JAZF1: variants seen among roughly 807,000 people sequenced by gnomAD.
The protein encoded by JAZF1 is JAZF zinc finger 1.
In JAZF1, 8 loss-of-function variants were observed where a neutral mutation model predicts 26.4. The ratio of observed to expected loss-of-function variants is 0.30; its 90% CI spans 0.18 to 0.55. The LOEUF (loss-of-function observed/expected upper bound fraction) is 0.55, where lower values mean the gene tolerates loss of function less well. Ranked by LOEUF, JAZF1 falls within the 20% of genes least tolerant of loss-of-function variation. JAZF1 has a pLI of 0.94. For missense variants in JAZF1, 199 were observed against 322.0 expected (o/e 0.62, Z 2.92); for synonymous variants, 126 against 122.3 (o/e 1.03, Z -0.20).
Position 28,012,279 on chromosome 7 carries a change from G to A in JAZF1, c.116-20298C>T, listed in dbSNP as rs2128370549. On this transcript the variant is annotated intron_variant, in intron 1 of 4. Coordinates refer to ENST00000283928, the MANE Select transcript of JAZF1 (RefSeq NM_175061.4). ...CAGCACTAAATTTTGATCTGTCATT[G>A]AAAACAGGTCGCTTCTATTTCTGGC... Among the ~76,000 whole-genome samples, 7 of 152,214 alleles carry A rather than the reference G, an allele frequency of 4.6e-5. No homozygotes were observed. In the South Asian group the frequency reaches 1.5e-3, roughly 32 times the overall value.
At chr7:27,930,634 TA>T (rs1471248063) in intron 2 of JAZF1, among the ~76,000 whole-genome samples, 1 of 152,206 alleles carries the variant, frequency 6.6e-6, no homozygotes, top group Non-Finnish European at 1.5e-5. Context: ...AAGGAAAGAC[TA>T]AACTTTTCTT....
intron 1 of JAZF1, among the ~76,000 whole-genome samples, chr7:28,014,930 A>G (rs1443839831): frequency 6.6e-6 from 1 of 152,186 alleles, no homozygotes; most frequent in Non-Finnish European, 1.5e-5. Flanking sequence ...ACATTTGCAG[A>G]GAGCAGTGGT....
chr7:27,904,639 G>A (rs188853618), intron 2 of JAZF1, among the ~76,000 whole-genome samples: 2 of 145,536 alleles, frequency 1.4e-5, no homozygotes, highest in East Asian at 4.2e-4. Flanking sequence ...GGTGGATTTT[G>A]AAGCTTCATA....
At chr7:27,929,635 G>T (rs1372031906) in intron 2 of JAZF1, among the ~76,000 whole-genome samples, 1 of 152,184 alleles carries the variant, frequency 6.6e-6, no homozygotes, top group Admixed American at 6.5e-5. Context: ...TTGGGCAAAA[G>T]ACTTAACCTC....
intron 1 of JAZF1, among the ~76,000 whole-genome samples, chr7:28,076,084 T>C (rs1044622706): frequency 1.3e-5 from 2 of 152,358 alleles, no homozygotes; most frequent in Non-Finnish European, 2.9e-5. Context: ...ATGGCCTTGA[T>C]TGGATGGGGT....
At chr7:28,041,179 A>G (rs761058049) in intron 1 of JAZF1, among the ~76,000 whole-genome samples, 13 of 152,164 alleles carry the variant, frequency 8.5e-5, no homozygotes, top group Non-Finnish European at 1.5e-4. Context: ...CACAACACAA[A>G]TAACTATTGT....
intron 1 of JAZF1, among the ~76,000 whole-genome samples, chr7:28,152,201 T>C (rs1178851029): frequency 6.6e-6 from 1 of 152,172 alleles, no homozygotes; most frequent in Non-Finnish European, 1.5e-5. Context: ...TATAGATGGT[T>C]TTTAAAGGAA....
chr7:27,845,439 C>CTGT (rs1783002143), intron 3 of JAZF1, among the ~76,000 whole-genome samples: 1 of 152,318 alleles, frequency 6.6e-6, no homozygotes, highest in South Asian at 2.1e-4. Context: ...TGGCTCACGC[C>CTGT]TGTAATCCCA....
intron 1 of JAZF1, among the ~76,000 whole-genome samples, chr7:28,139,419 A>G (rs1335999908): frequency 2.0e-5 from 3 of 152,262 alleles, no homozygotes; most frequent in Non-Finnish European, 2.9e-5. Context: ...AAGATGAGTC[A>G]TTAGGATGGA....
At chr7:28,102,024 C>T (rs1239844940) in intron 1 of JAZF1, among the ~76,000 whole-genome samples, 1 of 152,164 alleles carries the variant, frequency 6.6e-6, no homozygotes, top group African/African-American at 2.4e-5. Flanking sequence ...AGACATGTCT[C>T]AGTGGCAGAA....
At chr7:27,849,358 TG>T (rs1165851493) in intron 3 of JAZF1, among the ~76,000 whole-genome samples, 1 of 152,252 alleles carries the variant, frequency 6.6e-6, no homozygotes, top group Admixed American at 6.5e-5. Context: ...GGGCTGCCTT[TG>T]TAAGGCTCTC....
chr7:27,963,411 C>T (rs896499594), intron 2 of JAZF1, among the ~76,000 whole-genome samples: 1 of 152,138 alleles, frequency 6.6e-6, no homozygotes, highest in Non-Finnish European at 1.5e-5. Context: ...TCAAAATTGC[C>T]ATGCTTGTTC....
At position 27,895,336 on chromosome 7, in the gene JAZF1, C is replaced by T; in HGVS notation, c.269G>A (p.Ser90Asn). 1.2e-6 allele frequency: 2 copies of T among 1,610,992 alleles called. No homozygotes were observed. The highest frequency in any genetic ancestry group is 1.1e-5 in the South Asian group (1 of 90,442). ...IQPKLSLTLS[S>N]SVSRGNVSTP... is the part of the protein sequence containing the mutation. ...GGACACATTCCCTCGAGACACTGAG[C>T]TGGACAGAGTCAGCGAGAGCTTCGG... Residue 90 changes from serine (S) to asparagine (N), a missense_variant, in exon 3 of 5, where the codon AGC becomes AAC. Transcript: ENST00000283928.
chr7:27,868,919 G>T lies in JAZF1; in HGVS notation c.385+26301C>A, dbSNP rs561487936. ...ACCCTGGGCAGATTGGTCACACCAAGAATGAAAGGGACGATATTTTTCTTC... is the reference window on the plus strand; with the variant it reads ...ACCCTGGGCAGATTGGTCACACCAATAATGAAAGGGACGATATTTTTCTTC... On this transcript the variant is annotated intron_variant, in intron 3 of 4. Transcript: ENST00000283928. Among the ~76,000 whole-genome samples, 23 of 152,280 alleles carry T rather than the reference G, an allele frequency of 1.5e-4. No individual in the cohort carries two copies. The South Asian group carries it at 4.6e-3, about 30-fold the overall frequency.
intron 2 of JAZF1, among the ~76,000 whole-genome samples, chr7:27,901,965 T>C (rs894880498): frequency 6.6e-6 from 1 of 152,168 alleles, no homozygotes; most frequent in Non-Finnish European, 1.5e-5. Context: ...CCTGGTGCGC[T>C]CACATGTATA....
chr7:28,045,014 T>G (rs750230951), intron 1 of JAZF1, among the ~76,000 whole-genome samples: 1 of 152,126 alleles, frequency 6.6e-6, no homozygotes, highest in Non-Finnish European at 1.5e-5. Context: ...ACCATCCTCT[T>G]AAACTCTGAA....
intron 1 of JAZF1, among the ~76,000 whole-genome samples, chr7:28,026,353 C>T (rs1783093842): frequency 6.6e-6 from 1 of 152,146 alleles, no homozygotes; most frequent in South Asian, 2.1e-4. Context: ...ACTACAATAT[C>T]CTTCTCAAAA....
At chr7:28,016,941 A>T (rs1782904240) in intron 1 of JAZF1, among the ~76,000 whole-genome samples, 1 of 152,230 alleles carries the variant, frequency 6.6e-6, no homozygotes, top group Non-Finnish European at 1.5e-5. Context: ...GACATCACTA[A>T]GTATACATTG....
chr7:28,108,925 T>C (rs894206161), intron 1 of JAZF1, among the ~76,000 whole-genome samples: 1 of 152,210 alleles, frequency 6.6e-6, no homozygotes, highest in Non-Finnish European at 1.5e-5. Flanking sequence ...GAGGGCATTA[T>C]TCTAAATGAA....
Sources: gnomAD v4.1 joint callset for allele counts (sites outside exome capture counted in the v4.1 genomes callset) on GRCh38, gnomAD v4.1.1 for gene constraint, MANE v1.5 for transcripts, NCBI Gene and HGNC (gene_info 2026-07-23, HGNC 2026-07-21) for gene names.